The following PIK3C2G variants were observed in gnomAD, a reference collection of about 807,000 sequenced individuals.
PIK3C2G encodes phosphatidylinositol-4-phosphate 3-kinase catalytic subunit type 2 gamma.
PIK3C2G carries 168 observed loss-of-function variants against 181.1 expected under a neutral mutation model. The ratio of observed to expected loss-of-function variants is 0.93; its 90% CI spans 0.82 to 1.05. The LOEUF (loss-of-function observed/expected upper bound fraction) is 1.05, where lower values mean the gene tolerates loss of function less well. PIK3C2G is among the 50% of genes least tolerant of loss of function. The probability of loss-of-function intolerance (pLI) is 0.00; values close to 1 mark genes in which losing one functional copy is unlikely to be tolerated. For synonymous variants in PIK3C2G, 573 were observed against 592.2 expected, an observed-to-expected ratio of 0.97 and a Z score of 0.47; for missense variants, 1,869 against 1,732.8, an observed-to-expected ratio of 1.08 and a Z score of -1.40.
chr12:18,403,799 G>A (rs1332032816), intron 16 of PIK3C2G, among the ~76,000 whole-genome samples: 17 of 152,136 alleles, frequency 1.1e-4, no homozygotes, highest in African/African-American at 4.1e-4. Flanking sequence ...AGAGAAGGGG[G>A]TGCTGTCAGG....
At chr12:18,375,346 C>T (rs140701748) in intron 13 of PIK3C2G, among the ~76,000 whole-genome samples, 2 of 152,290 alleles carry the variant, frequency 1.3e-5, no homozygotes, top group African/African-American at 4.8e-5. Context: ...GTGTTCATGC[C>T]TTAAGAATCT....
intron 5 of PIK3C2G, among the ~76,000 whole-genome samples, chr12:18,298,414 T>C (rs1270800289): frequency 6.6e-6 from 1 of 151,008 alleles, no homozygotes; most frequent in East Asian, 1.9e-4. Flanking sequence ...TTTTCTTTTT[T>C]TTTTTTTGCT....
intron 26 of PIK3C2G, among the ~76,000 whole-genome samples, chr12:18,550,770 C>A (rs1466736893): frequency 6.6e-6 from 1 of 151,996 alleles, no homozygotes; most frequent in Non-Finnish European, 1.5e-5. Flanking sequence ...CCCCTTCTCC[C>A]TTCTCCACTA....
At chr12:18,542,569 C>T (rs1306946183) in intron 25 of PIK3C2G, among the ~76,000 whole-genome samples, 1 of 151,826 alleles carries the variant, frequency 6.6e-6, no homozygotes, top group Non-Finnish European at 1.5e-5. Flanking sequence ...TACCCTCGCC[C>T]CTCAAGTAGA....
intron 1 of PIK3C2G, among the ~76,000 whole-genome samples, chr12:18,275,618 T>G (rs1351295160): frequency 3.3e-5 from 5 of 152,132 alleles, no homozygotes; most frequent in Non-Finnish European, 2.9e-5. Flanking sequence ...CCTGAGCTCG[T>G]GATCCACCCG....
At chr12:18,620,656 A>G (rs1354932175) in intron 31 of PIK3C2G, among the ~76,000 whole-genome samples, 3 of 152,022 alleles carry the variant, frequency 2.0e-5, no homozygotes, top group Admixed American at 2.0e-4. Context: ...AAACTTTCCC[A>G]AGTGCTATTG....
At chr12:18,496,203 C>A in intron 21 of PIK3C2G, 49 bp downstream of exon 21, 3 of 1,029,672 alleles carry the variant, frequency 2.9e-6, no homozygotes, top group Non-Finnish European at 2.8e-6. Flanking sequence ...ACAGAACTAT[C>A]GATTTATTAC....
intron 26 of PIK3C2G, among the ~76,000 whole-genome samples, chr12:18,549,011 C>T (rs1944589231): frequency 6.6e-6 from 1 of 152,020 alleles, no homozygotes; most frequent in Non-Finnish European, 1.5e-5. Context: ...ACTAGAAACA[C>T]TCCAATGGAA....
intron 30 of PIK3C2G, among the ~76,000 whole-genome samples, chr12:18,599,780 C>T (rs1190508266): frequency 6.6e-6 from 1 of 151,226 alleles, no homozygotes; most frequent in Non-Finnish European, 1.5e-5. Context: ...TTAGGCAAAG[C>T]AAGAAAATTC....
At chr12:18,647,815 CA>C in intron 32 of PIK3C2G, 60 bp from the exon 33 acceptor site, 1 of 1,014,046 alleles carries the variant, frequency 9.9e-7, no homozygotes, top group Non-Finnish European at 1.3e-6. Context: ...AAGCAATACT[CA>C]AAAAAGAGAT....
chr12:18,688,090 A>G, the PIK3C2G span: 5 of 1,609,578 alleles, frequency 3.1e-6, no homozygotes, highest in Admixed American at 5.0e-5. Context: ...GGAGCTCACC[A>G]TTTTTTTTAA....
the PIK3C2G span, among the ~76,000 whole-genome samples, chr12:18,725,304 A>G: frequency 5.3e-5 from 8 of 152,242 alleles, no homozygotes; most frequent in East Asian, 1.5e-3. Flanking sequence ...AAGAAAAGCA[A>G]TAAGAAAGAA....
At chr12:18,584,807 C>A (rs990392831) in intron 29 of PIK3C2G, among the ~76,000 whole-genome samples, 1 of 151,964 alleles carries the variant, frequency 6.6e-6, no homozygotes, top group Non-Finnish European at 1.5e-5. Context: ...GGGAAGGTCA[C>A]CTACAAAGGG....
chr12:18,532,490 T>A (rs11044164), intron 24 of PIK3C2G, among the ~76,000 whole-genome samples: 42,244 of 152,110 alleles, frequency 0.28, 6,233 homozygotes, highest in Non-Finnish European at 0.34. Context: ...GTAAGTTAAT[T>A]TTTGTATTAG....
intron 30 of PIK3C2G, among the ~76,000 whole-genome samples, chr12:18,597,338 T>G (rs949474147): frequency 6.6e-6 from 1 of 152,042 alleles, no homozygotes; most frequent in South Asian, 2.1e-4. Flanking sequence ...TAAAGGCAGC[T>G]GCTAAAACAA....
At chr12:18,544,019 A>G (rs1380636178) in intron 25 of PIK3C2G, among the ~76,000 whole-genome samples, 1 of 151,922 alleles carries the variant, frequency 6.6e-6, no homozygotes, top group African/African-American at 2.4e-5. Flanking sequence ...GAACCAAAAT[A>G]TGATTGTACA....
At chr12:18,401,551 A>T (rs4764400) in intron 16 of PIK3C2G, among the ~76,000 whole-genome samples, 15,531 of 152,168 alleles carry the variant, frequency 0.1, 1,135 homozygotes, top group Admixed American at 0.26. Flanking sequence ...GAGTTGATTA[A>T]CTAATAGAGA....
intron 17 of PIK3C2G, among the ~76,000 whole-genome samples, chr12:18,423,181 C>T (rs974682174): frequency 4.6e-5 from 7 of 150,812 alleles, no homozygotes; most frequent in Non-Finnish European, 7.4e-5. Context: ...GAGAGAGAGA[C>T]TTAAATGGTT....
At chr12:18,301,234 T>C (rs1407830261) in intron 5 of PIK3C2G, among the ~76,000 whole-genome samples, 6 of 152,162 alleles carry the variant, frequency 3.9e-5, no homozygotes, top group Non-Finnish European at 7.4e-5. Flanking sequence ...ACTTCCTATA[T>C]ATAGATTTCT....
Sources: allele counts gnomAD v4.1 joint callset (sites outside exome capture counted in the v4.1 genomes callset), GRCh38; gene constraint gnomAD v4.1.1; transcripts MANE v1.5; gene names NCBI Gene and HGNC (gene_info 2026-07-23, HGNC 2026-07-21).